Variants in MCM3AP observed in about 807,000 individuals in gnomAD.
MCM3AP encodes germinal-center associated nuclear protein.
Under a neutral mutation model 184.1 loss-of-function variants are expected in MCM3AP, and 126 were observed. That is an observed-to-expected ratio of 0.68 (90% CI 0.59 to 0.79). The LOEUF (loss-of-function observed/expected upper bound fraction) is 0.79, where lower values mean the gene tolerates loss of function less well. Among genes scored for constraint, MCM3AP ranks in the 30% least tolerant of loss-of-function variants. The pLI is 0.00. For missense variants in MCM3AP, 2,496 were observed against 2,479.2 expected, an observed-to-expected ratio of 1.01 and a Z score of -0.14; for synonymous variants, 1,002 against 979.3, an observed-to-expected ratio of 1.02 and a Z score of -0.43.
Position 46,284,297 on chromosome 21 carries a change from A to T in MCM3AP, c.990T>A (p.Asn330Lys). Residue 330 changes from asparagine (N) to lysine (K), a missense_variant, in exon 1 of 28, where the codon AAT becomes AAA. Around this residue, in one of 5 missense-constraint regions of MCM3AP, gnomAD observed 800 missense variants for 717.1 expected, o/e 1.12. Coordinates refer to ENST00000291688, the MANE Select transcript of MCM3AP (RefSeq NM_003906.5). ...HPPDKRPVRL[N>K]RPRGGTLFGR... ...CAAATAAAGTACCTCCCCGGGGTCGATTCAGGCGGACAGGTCGTTTGTCTG... is the reference window on the plus strand; with the variant it reads ...CAAATAAAGTACCTCCCCGGGGTCGTTTCAGGCGGACAGGTCGTTTGTCTG... 1 of 1,614,218 alleles carries T rather than the reference A, an allele frequency of 6.2e-7. No individual in the cohort carries two copies.
intron 20 of MCM3AP, chr21:46,249,867 A>G (rs539325610): frequency 2.5e-4 from 55 of 220,524 alleles, no homozygotes; most frequent in Admixed American, 4.6e-4. Context: ...AAATAGGGAT[A>G]ATAAGTAACA....
rs372885815 is a variant in MCM3AP, at chr21:46,254,836, C to T, written c.3941G>A (p.Arg1314Gln). 3.0e-5 allele frequency: 49 copies of T among 1,613,824 alleles called. No individual in the cohort carries two copies. Among genetic ancestry groups the T allele is most frequent in the South Asian group, 2.6e-4 (24 of 91,088 alleles). Residue 1314 changes from arginine (R) to glutamine (Q), a missense_variant, in exon 18 of 28, where the codon CGG (arginine) becomes CAG (glutamine). This residue lies in a region of MCM3AP where 1,323 missense variants were observed against 1,273.4 expected (regional missense o/e 1.04). Transcript: ENST00000291688. Reference sequence around the variant, plus strand: ...CTGGTGAGCTGTCTTGTTTCTGAGCCGCCTTAACCTGCAAAGGAAAGCAGA... The same window carrying T: ...CTGGTGAGCTGTCTTGTTTCTGAGCTGCCTTAACCTGCAAAGGAAAGCAGA... ...RLGISCTRLR[R>Q]LRNKTAHQMK...
At chr21:46,269,910 C>T (rs1193326762) in intron 9 of MCM3AP, among the ~76,000 whole-genome samples, 1 of 152,236 alleles carries the variant, frequency 6.6e-6, no homozygotes, top group Non-Finnish European at 1.5e-5. Context: ...ACACAGTTTA[C>T]TCTGCGCAAA....
chr21:46,266,103 C>A lies in MCM3AP; in HGVS notation c.2853G>T (p.Ser951=), dbSNP rs140050907. 6.2e-7 allele frequency: 1 copy of A among 1,612,454 alleles called. No individual in the cohort carries two copies. The highest frequency in any genetic ancestry group is 2.2e-5 in the East Asian group (1 of 44,858). Residue 951 remains serine (S), a synonymous_variant, in exon 11 of 28, where the codon TCG becomes TCT. Coordinates refer to ENST00000291688, the MANE Select transcript of MCM3AP (RefSeq NM_003906.5). ...EPEGLSKTRK[S]VFITRKLTVS... ...CCGTCAGCTTCCTAGTAATAAACACCGACTTCCTGGTCTTGGATAATCCCT... is the reference window on the plus strand; with the variant it reads ...CCGTCAGCTTCCTAGTAATAAACACAGACTTCCTGGTCTTGGATAATCCCT...
At position 46,254,404 on chromosome 21, in the gene MCM3AP, T is replaced by C. The variant is rs551940791; in HGVS notation, c.4124A>G (p.Glu1375Gly). 9 of 1,614,100 alleles carry C rather than the reference T, an allele frequency of 5.6e-6. No homozygotes were observed. In the South Asian group the frequency reaches 9.9e-5, roughly 18 times the overall value. The stretch of plus-strand genomic sequence containing the variant: ...AACCCTTCCTGACCTGCCACAACTC[T>C]CTGGGGACTGCTCCTCTACATCCGG... ...VLPDVEEQSP[E>G]SCGRILANWL... is the part of the protein sequence containing the mutation. The change falls in exon 19 of 28, where the codon GAG (glutamate) becomes GGG (glycine). Residue 1375 changes from glutamate (E) to glycine (G), a missense_variant. Physicochemically the swap from Glu to Gly is moderately conservative, Grantham distance 98. Coordinates refer to ENST00000291688, the MANE Select transcript of MCM3AP (RefSeq NM_003906.5).
At position 46,270,238 on chromosome 21, in the gene MCM3AP, T is replaced by C. The variant is rs2081162639; in HGVS notation, c.2628+163A>G. 5 of 622,658 alleles carry C rather than the reference T, an allele frequency of 8.0e-6. No homozygotes were observed. In the East Asian group the frequency reaches 1.4e-4, roughly 17 times the overall value. 38.6% of individuals were successfully genotyped at this position (622,658 alleles called of 1,614,324 possible). A position where few individuals can be genotyped will look rare whatever the true frequency, so the allele number is the denominator to read the frequency against. ...GATGGTGACCAACAGTGATAACCCCTATAAAACAGGGCAACACCGGTAACC... is the reference window on the plus strand; with the variant it reads ...GATGGTGACCAACAGTGATAACCCCCATAAAACAGGGCAACACCGGTAACC... On this transcript the variant is annotated intron_variant, in intron 9 of 27. Coordinates refer to ENST00000291688, the MANE Select transcript of MCM3AP (RefSeq NM_003906.5).
At chr21:46,280,257 G>C (rs1210633024) in intron 3 of MCM3AP, 120 bp from the exon 4 acceptor site, 1 of 1,175,368 alleles carries the variant, frequency 8.5e-7, no homozygotes, top group Admixed American at 2.1e-5. Flanking sequence ...TTAGAGAAGA[G>C]CCCAAGGAAA....
Position 46,235,440 on chromosome 21 carries a change from A to G in MCM3AP, c.5785-14T>C, listed in dbSNP as rs199830023. 14 of 1,613,248 alleles carry G rather than the reference A, an allele frequency of 8.7e-6. No homozygotes were observed. Among genetic ancestry groups the G allele is most frequent in the African/African-American group, 1.3e-5 (1 of 75,016 alleles). On this transcript the variant is annotated splice_polypyrimidine_tract_variant and intron_variant, in intron 27 of 27. Coordinates refer to ENST00000291688, the MANE Select transcript of MCM3AP (RefSeq NM_003906.5). ...CATCATGTCACTCTATTTGAATAAAAAAGAAACTGAACAGTTTTGGGATGT... is the reference window on the plus strand; with the variant it reads ...CATCATGTCACTCTATTTGAATAAAGAAGAAACTGAACAGTTTTGGGATGT...
rs60691594 is a variant in MCM3AP, at chr21:46,243,006, C to T, written c.5297-75G>A. The T allele has an allele frequency of 9.6e-6, 12 of 1,250,840 alleles. No individual in the cohort carries two copies. The Admixed American group carries it at 2.5e-4, about 26-fold the overall frequency. 77.5% of individuals were successfully genotyped at this position (1,250,840 alleles called of 1,614,324 possible). A position where few individuals can be genotyped will look rare whatever the true frequency, so the allele number is the denominator to read the frequency against. On this transcript the variant is annotated intron_variant, in intron 24 of 27. Transcript: ENST00000291688. ...GTCTCAAAAAAAAAAAAAACACACA[C>T]AAAAAAACAAAAACAGGTACAAATA...
At chr21:46,266,614 A>C in intron 10 of MCM3AP, 1 of 282,318 alleles carries the variant, frequency 3.5e-6, no homozygotes, top group East Asian at 8.3e-5. Flanking sequence ...TAAGTACCGG[A>C]GAAGACTCCG....
At chr21:46,241,304 C>A in intron 25 of MCM3AP, 2 of 314,386 alleles carry the variant, frequency 6.4e-6, no homozygotes, top group South Asian at 5.6e-5. Flanking sequence ...TCTCAAGAGG[C>A]AGCTAGGTTT....
chr21:46,253,438 T>C (rs1237384869), intron 19 of MCM3AP: 2 of 152,256 alleles, frequency 1.3e-5, no homozygotes, highest in African/African-American at 2.4e-5. Context: ...CCAAATCTCA[T>C]GTTGAACTGT....
intron 15 of MCM3AP, among the ~76,000 whole-genome samples, chr21:46,259,674 A>T (rs2081014616): frequency 6.6e-6 from 1 of 151,932 alleles, no homozygotes; most frequent in Non-Finnish European, 1.5e-5. Context: ...GCACTTTGGG[A>T]GGCCAGGGCA....
chr21:46,237,579 G>T (rs1255687296), intron 26 of MCM3AP, among the ~76,000 whole-genome samples: 1 of 111,786 alleles, frequency 8.9e-6, no homozygotes, highest in Non-Finnish European at 1.8e-5. Flanking sequence ...GTATTTTTTT[G>T]TAGAAACGGG....
In MCM3AP at chr21:46,265,535, C is replaced by T. The variant is rs763714556; in HGVS notation, c.3032-12G>A. The T allele has an allele frequency of 5.1e-6, 8 of 1,569,504 alleles. No individual in the cohort carries two copies. The Admixed American group carries it at 1.1e-4, about 22-fold the overall frequency. On this transcript the variant is annotated splice_polypyrimidine_tract_variant and intron_variant, in intron 11 of 27. Transcript: ENST00000291688. ...TCCTCTCCCTCCGCCTGGAAGGAAA[C>T]ATACAGGACAAAACATAGCTGCAGA...
intron 9 of MCM3AP, among the ~76,000 whole-genome samples, chr21:46,268,595 C>T (rs1444375788): frequency 1.3e-5 from 2 of 152,208 alleles, no homozygotes; most frequent in African/African-American, 2.4e-5. Context: ...CAGCGCCGTG[C>T]GGCTCTGCGA....
intron 13 of MCM3AP, among the ~76,000 whole-genome samples, chr21:46,263,112 G>A (rs925619406): frequency 6.6e-6 from 1 of 151,308 alleles, no homozygotes; most frequent in Non-Finnish European, 1.5e-5. Flanking sequence ...GGCGGATCAC[G>A]AGGTCAGGAG....
intron 20 of MCM3AP, chr21:46,247,093 A>C: frequency 3.7e-6 from 2 of 536,114 alleles, no homozygotes; most frequent in East Asian, 2.9e-5. Flanking sequence ...CTTTCCCTAA[A>C]TCCAATTGTT....
At chr21:46,255,245 C>T (rs1389251726) in intron 17 of MCM3AP, among the ~76,000 whole-genome samples, 1 of 152,150 alleles carries the variant, frequency 6.6e-6, no homozygotes, top group South Asian at 2.1e-4. Context: ...GGGGAGCCAG[C>T]GTGACAACTT....
Sources: allele counts gnomAD v4.1 joint callset (sites outside exome capture counted in the v4.1 genomes callset), GRCh38; gene constraint gnomAD v4.1.1; regional missense constraint gnomAD v4.1.1; transcripts MANE v1.5; gene names NCBI Gene and HGNC (gene_info 2026-07-23, HGNC 2026-07-21).